Variants in CELF4 observed in about 807,000 individuals in gnomAD.
CELF4 encodes the protein CUGBP Elav-like family member 4, also known as CUG-BP- and ETR-3-like factor 4.
In CELF4, 18 loss-of-function variants were observed where a neutral mutation model predicts 59.9. The ratio of observed to expected loss-of-function variants is 0.30; its 90% confidence interval spans 0.21 to 0.45. The LOEUF is 0.45. Ranked by LOEUF, CELF4 falls within the 20% of genes least tolerant of loss-of-function variation. The pLI is 1.00. For missense variants in CELF4, 456 were observed against 689.0 expected (o/e 0.66, Z 3.79); for synonymous variants, 261 against 267.1 (o/e 0.98, Z 0.22).
chr18:37,372,438 A>C (rs1170894356), intron 2 of CELF4, among the ~76,000 whole-genome samples: 3 of 152,210 alleles, frequency 2.0e-5, no homozygotes, highest in Non-Finnish European at 4.4e-5. Context: ...CAATGAGAAC[A>C]CTTGGACACA....
intron 12 of CELF4, among the ~76,000 whole-genome samples, chr18:37,251,655 C>A (rs2154268295): frequency 1.3e-5 from 2 of 152,312 alleles, no homozygotes; most frequent in Admixed American, 1.3e-4. Flanking sequence ...AATGGCAGAG[C>A]TATGCTGATT....
intron 2 of CELF4, among the ~76,000 whole-genome samples, chr18:37,445,967 C>T (rs954541717): frequency 1.3e-5 from 2 of 152,200 alleles, no homozygotes; most frequent in African/African-American, 4.8e-5. Context: ...CTCTTCACAA[C>T]CCTTCAAGGC....
At chr18:37,481,496 C>G (rs1394798038) in intron 2 of CELF4, among the ~76,000 whole-genome samples, 1 of 152,172 alleles carries the variant, frequency 6.6e-6, no homozygotes, top group African/African-American at 2.4e-5. Context: ...AAGACGATTC[C>G]CCACAAAGTC....
chr18:37,267,579 C>A (rs1385416916), intron 8 of CELF4, among the ~76,000 whole-genome samples: 1 of 152,170 alleles, frequency 6.6e-6, no homozygotes, highest in Admixed American at 6.5e-5. Flanking sequence ...AACTGGATAA[C>A]ACGATGTGGC....
chr18:37,510,317 G>A (rs566578512), intron 1 of CELF4, among the ~76,000 whole-genome samples: 32 of 152,306 alleles, frequency 2.1e-4, no homozygotes, highest in East Asian at 1.2e-3. Flanking sequence ...CAACCTGGCC[G>A]AATGTTACTT....
intron 1 of CELF4, among the ~76,000 whole-genome samples, chr18:37,532,583 A>G (rs1359522170): frequency 6.6e-6 from 1 of 152,024 alleles, no homozygotes; most frequent in East Asian, 1.9e-4. Flanking sequence ...AGATTAGAAC[A>G]CTTGGGTGAG....
At chr18:37,394,744 C>T (rs2099219985) in intron 2 of CELF4, among the ~76,000 whole-genome samples, 1 of 152,170 alleles carries the variant, frequency 6.6e-6, no homozygotes, top group East Asian at 1.9e-4. Context: ...GCCTGCCACA[C>T]CCAGCAGTCT....
At chr18:37,356,565 G>A (rs1183270624) in intron 2 of CELF4, among the ~76,000 whole-genome samples, 1 of 152,162 alleles carries the variant, frequency 6.6e-6, no homozygotes, top group Non-Finnish European at 1.5e-5. Flanking sequence ...CAGAGGTGCA[G>A]AGAGTAAAGA....
chr18:37,485,972 A>C, intron 1 of CELF4: 1 of 161,118 alleles, frequency 6.2e-6, no homozygotes, highest in Non-Finnish European at 1.3e-5. Context: ...GGCAGCTTCC[A>C]CCCCTCACCC....
chr18:37,431,277 A>G (rs1238677074), intron 2 of CELF4, among the ~76,000 whole-genome samples: 2 of 149,096 alleles, frequency 1.3e-5, no homozygotes, highest in South Asian at 2.1e-4. Context: ...AGGTCTTATC[A>G]TCTCATCTTC....
chr18:37,376,335 G>T (rs1488397567), intron 2 of CELF4, among the ~76,000 whole-genome samples: 1 of 152,080 alleles, frequency 6.6e-6, no homozygotes. Context: ...GGCACATGAG[G>T]CTTCTGTAAT....
chr18:37,527,386 T>C (rs2099965116), intron 1 of CELF4, among the ~76,000 whole-genome samples: 1 of 152,056 alleles, frequency 6.6e-6, no homozygotes, highest in African/African-American at 2.4e-5. Context: ...CCAAACCCTT[T>C]GTGCCCTCTA....
At chr18:37,510,425 C>T (rs728941) in intron 1 of CELF4, among the ~76,000 whole-genome samples, 96,772 of 152,122 alleles carry the variant, frequency 0.64, 33,985 homozygotes, top group East Asian at 0.83. Context: ...CACTTGGGTG[C>T]CTCAGCTCTC....
chr18:37,499,498 C>T (rs1539851), intron 1 of CELF4, among the ~76,000 whole-genome samples: 2 of 152,008 alleles, frequency 1.3e-5, no homozygotes, highest in African/African-American at 4.8e-5. Context: ...CTGGGAGGGA[C>T]GGGGAGCCCC....
chr18:37,509,727 A>G (rs75112068), intron 1 of CELF4, among the ~76,000 whole-genome samples: 2,108 of 152,378 alleles, frequency 0.014, 30 homozygotes, highest in Non-Finnish European at 0.023. Flanking sequence ...TCTCAGCAAC[A>G]GTATTCACAA....
intron 1 of CELF4, among the ~76,000 whole-genome samples, chr18:37,523,815 T>G (rs1392610605): frequency 1.3e-5 from 2 of 152,102 alleles, no homozygotes; most frequent in Non-Finnish European, 2.9e-5. Flanking sequence ...AAACAGCTGC[T>G]GATCTATCAG....
At chr18:37,289,839 G>A (rs1392788200) in intron 3 of CELF4, among the ~76,000 whole-genome samples, 1 of 152,194 alleles carries the variant, frequency 6.6e-6, no homozygotes, top group Non-Finnish European at 1.5e-5. Flanking sequence ...GTGTGACATG[G>A]AGTATTACAC....
intron 3 of CELF4, among the ~76,000 whole-genome samples, chr18:37,284,539 G>A (rs1237833333): frequency 6.6e-6 from 1 of 151,994 alleles, no homozygotes; most frequent in Non-Finnish European, 1.5e-5. Context: ...CCAACACAAC[G>A]TCACCCAGGC....
intron 3 of CELF4, among the ~76,000 whole-genome samples, chr18:37,282,754 A>G (rs1181836493): frequency 2.0e-5 from 3 of 152,128 alleles, no homozygotes; most frequent in African/African-American, 4.8e-5. Context: ...ACCTGCAGCT[A>G]TGTGACCAGG....
Sources: allele counts gnomAD v4.1 joint callset (sites outside exome capture counted in the v4.1 genomes callset), GRCh38; gene constraint gnomAD v4.1.1; transcripts MANE v1.5; gene names NCBI Gene and HGNC (gene_info 2026-07-23, HGNC 2026-07-21).